The following DGAT2L6 variants were observed in gnomAD, a reference collection of about 807,000 sequenced individuals.
DGAT2L6 encodes diacylglycerol O-acyltransferase 2 like 6, also known as diacylglycerol O-acyltransferase 2-like protein 6.
In DGAT2L6, 22 loss-of-function variants were observed where a neutral mutation model predicts 25.5. The ratio of observed to expected loss-of-function variants is 0.86; its 90% CI spans 0.62 to 1.23. DGAT2L6 has a LOEUF of 1.23. Ranked by LOEUF, DGAT2L6 falls within the 50% of genes most tolerant of loss-of-function variation. The probability of loss-of-function intolerance (pLI) is 0.00; values close to 1 mark genes in which losing one functional copy is unlikely to be tolerated. For synonymous variants in DGAT2L6, 100 were observed against 94.7 expected (o/e 1.06, Z -0.32); for missense variants, 287 against 253.2 (o/e 1.13, Z -0.91).
At chrX:70,198,494 G>A (rs1185172382) in intron 1 of DGAT2L6, among the ~76,000 whole-genome samples, 2 of 110,864 alleles carry the variant, frequency 1.8e-5, no homozygotes, top group East Asian at 5.7e-4. Flanking sequence ...GTGAGCCACC[G>A]CACCTGGCCT....
intron 1 of DGAT2L6, among the ~76,000 whole-genome samples, chrX:70,197,326 A>G (rs1391630420): frequency 9.0e-6 from 1 of 111,518 alleles, no homozygotes; most frequent in African/African-American, 3.3e-5. Context: ...CGTGCACGAC[A>G]CTGATGACAC....
chrX:70,195,415 G>A (rs1201778), intron 1 of DGAT2L6, among the ~76,000 whole-genome samples: 11,521 of 109,145 alleles, frequency 0.11, 1,037 homozygotes, highest in African/African-American at 0.29. Context: ...TAGCCAAGAC[G>A]TGGGATCGAC....
chrX:70,179,633 T>A (rs777375196), intron 1 of DGAT2L6, among the ~76,000 whole-genome samples: 1 of 99,659 alleles, frequency 1.0e-5, no homozygotes, highest in East Asian at 3.2e-4. Context: ...AATGGCAGGA[T>A]CTTGGCTCAC....
intron 1 of DGAT2L6, among the ~76,000 whole-genome samples, chrX:70,188,804 C>T (rs1296256450): frequency 5.4e-5 from 6 of 110,131 alleles, no homozygotes; most frequent in Non-Finnish European, 1.9e-5. Flanking sequence ...TCCAGGAAGG[C>T]AAGTGTAAAT....
chrX:70,187,899 T>C (rs973556867), intron 1 of DGAT2L6, among the ~76,000 whole-genome samples: 1 of 112,010 alleles, frequency 8.9e-6, no homozygotes, highest in African/African-American at 3.2e-5. Flanking sequence ...GGTAAGACAA[T>C]CTTGGTTTTC....
intron 5 of DGAT2L6, among the ~76,000 whole-genome samples, chrX:70,202,613 A>T (rs1464580391): frequency 8.9e-6 from 1 of 111,864 alleles, no homozygotes; most frequent in East Asian, 2.8e-4. Context: ...ACCCATGCAC[A>T]TATAATTACC....
chrX:70,203,172 T>C (rs1191101213), intron 5 of DGAT2L6, among the ~76,000 whole-genome samples: 1 of 112,498 alleles, frequency 8.9e-6, no homozygotes, highest in Non-Finnish European at 1.9e-5. Flanking sequence ...TATCTTCTTA[T>C]AGCTCATCCA....
chrX:70,182,864 G>A (rs2147602075), intron 1 of DGAT2L6, among the ~76,000 whole-genome samples: 1 of 112,046 alleles, frequency 8.9e-6, no homozygotes, highest in African/African-American at 3.2e-5. Context: ...CACCGTGTTA[G>A]CCAGGATGGT....
chrX:70,195,329 G>A (rs937283700), intron 1 of DGAT2L6, among the ~76,000 whole-genome samples: 3 of 111,660 alleles, frequency 2.7e-5, no homozygotes, highest in Admixed American at 1.9e-4. Context: ...AAATAGTGGG[G>A]AGTTTCCAAC....
intron 1 of DGAT2L6, among the ~76,000 whole-genome samples, chrX:70,190,947 T>G (rs919062781): frequency 3.6e-5 from 4 of 112,139 alleles, no homozygotes; most frequent in Non-Finnish European, 7.5e-5. Flanking sequence ...TTCTATGACT[T>G]GGTTCTAGCC....
chrX:70,178,660 G>C (rs895607338), intron 1 of DGAT2L6, among the ~76,000 whole-genome samples: 2 of 111,531 alleles, frequency 1.8e-5, no homozygotes, highest in Non-Finnish European at 3.8e-5. Context: ...GAGGCTATAT[G>C]ACCCTTAGAG....
intron 4 of DGAT2L6, 114 bp downstream of exon 4, chrX:70,200,573 GACAC>G: frequency 1.4e-6 from 1 of 696,357 alleles, no homozygotes; most frequent in Non-Finnish European, 2.1e-6. Flanking sequence ...ATAAGTCCAG[GACAC>G]CCTGGGCCCG....
At chrX:70,178,459 T>C (rs1439839185) in intron 1 of DGAT2L6, among the ~76,000 whole-genome samples, 2 of 111,278 alleles carry the variant, frequency 1.8e-5, no homozygotes, top group Non-Finnish European at 3.8e-5. Flanking sequence ...GTTGTTGAGA[T>C]GAAGTTTCAC....
chrX:70,195,722 G>C (rs1156872942), intron 1 of DGAT2L6, among the ~76,000 whole-genome samples: 2 of 111,389 alleles, frequency 1.8e-5, no homozygotes, highest in African/African-American at 6.5e-5. Context: ...GAGAGAACCT[G>C]TCTCTAAATA....
chrX:70,194,133 C>G (rs184190563), intron 1 of DGAT2L6, among the ~76,000 whole-genome samples: 1 of 111,071 alleles, frequency 9.0e-6, no homozygotes, highest in Admixed American at 9.5e-5. Flanking sequence ...TGAAGGAAAA[C>G]AATTCAATTT....
rs1602696796 is a variant in DGAT2L6 at position 70,205,689 on chromosome X, G to A, written c.*583G>A. 1 of 112,095 alleles carries A rather than the reference G, an allele frequency of 8.9e-6. No homozygotes were observed. The highest frequency in any genetic ancestry group is 2.8e-4 in the East Asian group (1 of 3,557). The allele number at this position is 112,095 out of a possible 1,213,427, so 9.2% of individuals were successfully genotyped here. A position where few individuals can be genotyped will look rare whatever the true frequency, so the allele number is the denominator to read the frequency against. On this transcript the variant is annotated 3_prime_UTR_variant, in exon 7 of 7. Transcript: ENST00000333026. ...TTTCTTCTTTGAAAATAAAGTTCTAGACATATAAAACAGGATACCACTATT... is the reference window on the plus strand; with the variant it reads ...TTTCTTCTTTGAAAATAAAGTTCTAAACATATAAAACAGGATACCACTATT...
At chrX:70,195,735 T>C (rs2085389110) in intron 1 of DGAT2L6, among the ~76,000 whole-genome samples, 1 of 111,337 alleles carries the variant, frequency 9.0e-6, no homozygotes, top group Admixed American at 9.6e-5. Context: ...TCTAAATATA[T>C]ATATTTGTAA....
At chrX:70,196,486 C>CAAAAAAAAAAAAAAAAAAAA (rs751597708) in intron 1 of DGAT2L6, among the ~76,000 whole-genome samples, 4 of 26,088 alleles carry the variant, frequency 1.5e-4, no homozygotes, top group East Asian at 1.3e-3. Context: ...GATCCTGTCT[C>CAAAAAAAAAAAAAAAAAAAA]AAAAAAAAAA....
rs759764588 is a variant in DGAT2L6 at position 70,177,645 on chromosome X, G to A, written c.63G>A (p.Trp21Ter). Reference sequence around the variant, plus strand: ...TCCAAACCTTCTTTGTTTTGCAATGGATCCCAGTCTATATATTTTTAGGTG... The same window carrying A: ...TCCAAACCTTCTTTGTTTTGCAATGAATCCCAGTCTATATATTTTTAGGTG... ...EGLQTFFVLQ[W>*]IPVYIFLGAI... is the part of the protein sequence containing the mutation. Residue 21 changes from tryptophan to a stop codon, truncating the protein, a stop_gained, in exon 1 of 7, where the codon TGG (tryptophan) becomes TGA (stop). Transcript: ENST00000333026. LOFTEE classifies it high-confidence loss of function. 110 of 1,207,872 alleles carry A rather than the reference G, an allele frequency of 9.1e-5. No individual in the cohort carries two copies. The highest frequency in any genetic ancestry group is 1.2e-4 in the Non-Finnish European group (107 of 893,825).
Sources: allele counts gnomAD v4.1 joint callset (sites outside exome capture counted in the v4.1 genomes callset), GRCh38; gene constraint gnomAD v4.1.1; transcripts MANE v1.5; gene names NCBI Gene and HGNC (gene_info 2026-07-23, HGNC 2026-07-21).